TMEM64: variants seen among roughly 807,000 people sequenced by gnomAD.
TMEM64 encodes transmembrane protein 64.
A neutral mutation model predicts 24.5 loss-of-function variants in TMEM64; 19 were observed. The observed-to-expected ratio is 0.78, with a 90% CI of 0.54 to 1.14. The LOEUF is 1.14. TMEM64 is among the 50% of genes most tolerant of loss of function. The pLI is 0.00. For synonymous variants in TMEM64, 262 were observed against 224.7 expected (o/e 1.17, Z -1.49); for missense variants, 487 against 493.0 (o/e 0.99, Z 0.12).
rs1809314669 is a variant in TMEM64 at position 90,623,710 on chromosome 8, G to A, written c.*1961C>T. On this transcript the variant is annotated 3_prime_UTR_variant, in exon 3 of 3. Coordinates refer to ENST00000458549, the MANE Select transcript of TMEM64 (RefSeq NM_001008495.4). The stretch of plus-strand genomic sequence containing the variant: ...GTATTCATTTGGTGAAATTATTCAA[G>A]TCACAAATGCTTAGTAAATAAATGT... 1 of 152,400 alleles carries A rather than the reference G, an allele frequency of 6.6e-6. No homozygotes were observed. Among genetic ancestry groups the A allele is most frequent in the African/African-American group, 2.4e-5 (1 of 41,390 alleles). 9.4% of individuals were successfully genotyped at this position (152,400 alleles called of 1,614,324 possible).
rs1309328355 is a variant in TMEM64 at position 90,645,413 on chromosome 8, C to T, written c.493G>A (p.Val165Met). 3 of 1,551,714 alleles carry T rather than the reference C, an allele frequency of 1.9e-6. No homozygotes were observed. The highest frequency in any genetic ancestry group is 2.6e-6 in the Non-Finnish European group (3 of 1,147,026). Residue 165 changes from valine to methionine, a missense_variant, in exon 1 of 3, where the codon GTG becomes ATG. Around this residue, in one of 3 missense-constraint regions of TMEM64, gnomAD observed 419 missense variants for 407.5 expected, o/e 1.03. Coordinates refer to ENST00000458549, the MANE Select transcript of TMEM64 (RefSeq NM_001008495.4). This position sits in a 1 kb window ranked among gnomAD's most constrained non-coding sequence, Gnocchi z 4.2. ...DSLLGVLLFV[V>M]GFIVVSFPCG... ...GGGAAAGAGACCACGATGAAGCCCA[C>T]GACGAAGAGCAGGACCCCCAGCAGC... is the stretch of plus-strand genomic sequence containing the variant.
In TMEM64 at chr8:90,628,369, T is replaced by A. The variant is rs117196215; in HGVS notation, c.952-2507A>T. ...TTTTTCTGTTAAGCAAGAGAGGTAA[T>A]CTGCTGACAATAAAGATGGAAACAG... is the stretch of plus-strand genomic sequence containing the variant. On this transcript the variant is annotated intron_variant, in intron 2 of 2. Coordinates refer to ENST00000458549, the MANE Select transcript of TMEM64 (RefSeq NM_001008495.4). 6.5e-4 allele frequency among the ~76,000 whole-genome samples: 99 copies of A among 152,252 alleles called. 1 individual carries two copies. In the East Asian group the frequency reaches 0.018, roughly 28 times the overall value.
At chr8:90,640,065 T>G (rs905476057) in intron 1 of TMEM64, among the ~76,000 whole-genome samples, 12 of 152,266 alleles carry the variant, frequency 7.9e-5, no homozygotes, top group African/African-American at 2.6e-4. Flanking sequence ...TTCAGTGGTA[T>G]TGTGAGGTCT....
At chr8:90,635,501 A>G (rs964423713) in intron 1 of TMEM64, among the ~76,000 whole-genome samples, 8 of 151,932 alleles carry the variant, frequency 5.3e-5, no homozygotes, top group African/African-American at 1.9e-4. Flanking sequence ...TACAGCTAGG[A>G]TTGTTTATAC....
rs1168020391 is a variant in TMEM64, at chr8:90,645,398, C to G, written c.508G>C (p.Val170Leu). ...VLLFVVGFIVVSFPCGWGYIV... is the reference protein window; with the variant it reads ...VLLFVVGFIVLSFPCGWGYIV... ...TAGCCCCAGCCGCAGGGGAAAGAGA[C>G]CACGATGAAGCCCACGACGAAGAGC... Residue 170 changes from valine to leucine, a missense_variant, in exon 1 of 3, where the codon GTC becomes CTC. Physicochemically the swap from Val to Leu is conservative, Grantham distance 32. Around this residue, in one of 3 missense-constraint regions of TMEM64, gnomAD observed 419 missense variants for 407.5 expected, o/e 1.03. Coordinates refer to ENST00000458549, the MANE Select transcript of TMEM64 (RefSeq NM_001008495.4). This position sits in a 1 kb window ranked among gnomAD's most constrained non-coding sequence, Gnocchi z 4.2. The G allele has an allele frequency of 2.6e-6, 4 of 1,551,704 alleles. No homozygotes were observed. In the African/African-American group the frequency reaches 4.1e-5, roughly 16 times the overall value.
At chr8:90,629,532 T>C (rs1334683760) in intron 2 of TMEM64, among the ~76,000 whole-genome samples, 1 of 152,102 alleles carries the variant, frequency 6.6e-6, no homozygotes, top group East Asian at 1.9e-4. Flanking sequence ...CTTAACTTCA[T>C]ACTAAAAAAA....
intron 2 of TMEM64, among the ~76,000 whole-genome samples, chr8:90,626,557 G>C (rs910648410): frequency 6.6e-6 from 1 of 151,544 alleles, no homozygotes; most frequent in African/African-American, 2.4e-5. Flanking sequence ...CTAGTGATGT[G>C]TGATTTAGGG....
At position 90,622,756 on chromosome 8, in the gene TMEM64, T is replaced by A. The variant is rs542349347; in HGVS notation, c.*2915A>T. The A allele has an allele frequency of 2.0e-5, 3 of 152,336 alleles. No homozygotes were observed. The highest frequency in any genetic ancestry group is 2.0e-4 in the Admixed American group (3 of 15,292). The allele number at this position is 152,336 out of a possible 1,614,324, so 9.4% of individuals were successfully genotyped here. The stretch of plus-strand genomic sequence containing the variant: ...ACAAGAAAAATGTTTTATAGTCATA[T>A]ACTTGACCCTATCAGGGAAAAGCCA... On this transcript the variant is annotated 3_prime_UTR_variant, in exon 3 of 3. Coordinates refer to ENST00000458549, the MANE Select transcript of TMEM64 (RefSeq NM_001008495.4).
chr8:90,626,266 G>A (rs1321514093), intron 2 of TMEM64, among the ~76,000 whole-genome samples: 1 of 152,154 alleles, frequency 6.6e-6, no homozygotes, highest in Admixed American at 6.5e-5. Flanking sequence ...ATGTCCATAG[G>A]TATTTCTAAG....
chr8:90,642,424 T>TAA (rs113263883), intron 1 of TMEM64, among the ~76,000 whole-genome samples: 30 of 148,580 alleles, frequency 2.0e-4, no homozygotes, highest in South Asian at 6.4e-4. Context: ...TTTTTTTCTT[T>TAA]AAAAAAAAAA....
At chr8:90,627,693 G>A (rs1437883329) in intron 2 of TMEM64, among the ~76,000 whole-genome samples, 1 of 152,080 alleles carries the variant, frequency 6.6e-6, no homozygotes, top group Non-Finnish European at 1.5e-5. Flanking sequence ...AACTGGATTT[G>A]CTGTAAAAAA....
At chr8:90,643,655 A>G (rs1405342994) in intron 1 of TMEM64, among the ~76,000 whole-genome samples, 1 of 152,232 alleles carries the variant, frequency 6.6e-6, no homozygotes, top group Non-Finnish European at 1.5e-5. Context: ...GAATCAATCT[A>G]TTTAGGTTCC....
chr8:90,640,902 T>G (rs943442307), intron 1 of TMEM64, among the ~76,000 whole-genome samples: 4 of 152,162 alleles, frequency 2.6e-5, no homozygotes, highest in African/African-American at 9.7e-5. Flanking sequence ...AACTGGCAGT[T>G]TGGTAACATT....
chr8:90,626,999 A>G (rs1809370471), intron 2 of TMEM64, among the ~76,000 whole-genome samples: 2 of 152,148 alleles, frequency 1.3e-5, no homozygotes, highest in Non-Finnish European at 2.9e-5. Flanking sequence ...GTTTTATTCC[A>G]AAGTTCATTT....
chr8:90,625,808 A>G lies in TMEM64; in HGVS notation c.1006T>C (p.Leu336=). The change falls in exon 3 of 3, where the codon TTG becomes CTG. Residue 336 remains leucine, a synonymous_variant. Coordinates refer to ENST00000458549, the MANE Select transcript of TMEM64 (RefSeq NM_001008495.4). The part of the protein sequence containing the change: ...FYVVHRAQVE[L]NAAIVACEME... The stretch of plus-strand genomic sequence containing the variant: ...TCACAAGCTACAATAGCTGCATTCA[A>G]TTCCACTTGAGCTCGATGAACTACA... 6.2e-7 allele frequency: 1 copy of G among 1,613,952 alleles called. No homozygotes were observed. Among genetic ancestry groups the G allele is most frequent in the South Asian group, 1.1e-5 (1 of 91,072 alleles).
At chr8:90,630,695 A>T (rs1809423548) in intron 2 of TMEM64, among the ~76,000 whole-genome samples, 2 of 152,122 alleles carry the variant, frequency 1.3e-5, no homozygotes, top group African/African-American at 4.8e-5. Flanking sequence ...GATAATAAAC[A>T]TCTGAAAAAA....
At chr8:90,632,145 A>G (rs1809448813) in intron 1 of TMEM64, among the ~76,000 whole-genome samples, 1 of 152,094 alleles carries the variant, frequency 6.6e-6, no homozygotes, top group Admixed American at 6.5e-5. Context: ...CTGTCTCTAA[A>G]TATCTGTTTT....
chr8:90,632,190 A>AGAGTG (rs1325720290), intron 1 of TMEM64, among the ~76,000 whole-genome samples: 1 of 152,210 alleles, frequency 6.6e-6, no homozygotes, highest in African/African-American at 2.4e-5. Flanking sequence ...TCTGTCGCCC[A>AGAGTG]GAGTGGAGTG....
In TMEM64 at chr8:90,631,606, C is replaced by T. The variant is rs1248424855; in HGVS notation, c.897G>A (p.Met299Ile). 1 of 1,613,370 alleles carries T rather than the reference C, an allele frequency of 6.2e-7. No individual in the cohort carries two copies. Reference sequence around the variant, plus strand: ...CACTCTGTTCTGCAATGACATCTTCCATTGTCCGCAGGGTGGTACCCAAGT... The same window carrying T: ...CACTCTGTTCTGCAATGACATCTTCTATTGTCCGCAGGGTGGTACCCAAGT... ...NSYLGTTLRT[M>I]EDVIAEQSVS... is the part of the protein sequence containing the mutation. The change falls in exon 2 of 3, where the codon ATG becomes ATA. Residue 299 changes from methionine to isoleucine, a missense_variant. By Grantham distance (10) the Met-to-Ile change is conservative (BLOSUM62 1). Around this residue, in one of 3 missense-constraint regions of TMEM64, gnomAD observed 419 missense variants for 407.5 expected, o/e 1.03. Coordinates refer to ENST00000458549, the MANE Select transcript of TMEM64 (RefSeq NM_001008495.4).
Sources: gnomAD v4.1 joint callset for allele counts (sites outside exome capture counted in the v4.1 genomes callset) on GRCh38, gnomAD v4.1.1 for gene constraint, gnomAD v4.1.1 regional missense constraint, Gnocchi (gnomAD v3.1) non-coding constraint, MANE v1.5 for transcripts, NCBI Gene and HGNC (gene_info 2026-07-23, HGNC 2026-07-21) for gene names.